The following VIT variants were observed in gnomAD, a reference collection of about 807,000 sequenced individuals.
The protein encoded by VIT is vitrin.
A neutral mutation model predicts 78.0 loss-of-function variants in VIT; 99 were observed. The observed-to-expected ratio is 1.27, with a 90% CI of 1.08 to 1.50. The LOEUF (loss-of-function observed/expected upper bound fraction) is 1.50. Ranked by LOEUF, VIT falls within the 40% of genes most tolerant of loss-of-function variation. The pLI is 0.00. For synonymous variants in VIT, 374 were observed against 334.3 expected (o/e 1.12, Z -1.29); for missense variants, 1,126 against 875.3 (o/e 1.29, Z -3.61).
intron 1 of VIT, among the ~76,000 whole-genome samples, chr2:36,709,787 G>C (rs1221474857): frequency 6.6e-6 from 1 of 152,156 alleles, no homozygotes; most frequent in Non-Finnish European, 1.5e-5. Context: ...CAAAAGAGAG[G>C]ATTACTCAGG....
At chr2:36,741,201 A>G (rs902952459) in intron 3 of VIT, among the ~76,000 whole-genome samples, 1 of 152,224 alleles carries the variant, frequency 6.6e-6, no homozygotes, top group African/African-American at 2.4e-5. Flanking sequence ...GAGAGACCAC[A>G]CTGGCATCTT....
intron 4 of VIT, among the ~76,000 whole-genome samples, chr2:36,749,895 T>C (rs535641605): frequency 8.5e-5 from 13 of 152,256 alleles, no homozygotes; most frequent in Non-Finnish European, 1.8e-4. Context: ...GTCTAGTTAG[T>C]AGACTCTCTG....
intron 5 of VIT, 48 bp from the exon 6 acceptor site, chr2:36,758,921 C>G (rs780520810): frequency 7.1e-6 from 11 of 1,540,164 alleles, no homozygotes; most frequent in South Asian, 4.5e-5. Context: ...CCATCTAAAA[C>G]CTCTAGCTCT....
intron 3 of VIT, among the ~76,000 whole-genome samples, chr2:36,733,349 C>G (rs369945980): frequency 3.9e-5 from 6 of 151,926 alleles, no homozygotes; most frequent in South Asian, 2.1e-4. Context: ...TCTCTCCCCC[C>G]CTCTCTCTCT....
intron 5 of VIT, 93 bp from the exon 6 acceptor site, chr2:36,758,876 A>G (rs1231140647): frequency 9.3e-7 from 1 of 1,079,834 alleles, no homozygotes; most frequent in Non-Finnish European, 1.4e-6. Context: ...CTGAAGAGAG[A>G]TAAATTGAAA....
intron 7 of VIT, among the ~76,000 whole-genome samples, chr2:36,767,740 T>C (rs1482945137): frequency 6.6e-6 from 1 of 152,226 alleles, no homozygotes; most frequent in Non-Finnish European, 1.5e-5. Flanking sequence ...TACCCATTGC[T>C]CAAATCATGT....
chr2:36,715,242 T>A (rs959587730), intron 1 of VIT, among the ~76,000 whole-genome samples: 2 of 152,066 alleles, frequency 1.3e-5, no homozygotes, highest in African/African-American at 4.8e-5. Flanking sequence ...GTAAACACAT[T>A]AAGATTTAAG....
In VIT at chr2:36,758,957, TC is replaced by T. The variant is rs1281004728; in HGVS notation, c.410-11del. 1.9e-6 allele frequency: 3 copies of T among 1,592,202 alleles called. No individual in the cohort carries two copies. The highest frequency in any genetic ancestry group is 1.7e-5 in the Admixed American group (1 of 58,978). ...AGAAATAAATCTCGTTTTTTTTTTCTCTTTTTTGCAGAAAGTAAACCCAAAA... is the reference window on the plus strand; with the variant it reads ...AGAAATAAATCTCGTTTTTTTTTTCTTTTTTTGCAGAAAGTAAACCCAAAA... On this transcript the variant is annotated splice_polypyrimidine_tract_variant and intron_variant, in intron 5 of 15. Coordinates refer to ENST00000379242, the MANE Select transcript of VIT (RefSeq NM_053276.4).
rs532925367 is a variant in VIT, at chr2:36,798,384, T to C, written c.1059-2917T>C. Among the ~76,000 whole-genome samples the C allele has an allele frequency of 2.0e-5, 3 of 152,254 alleles. No individual in the cohort carries two copies. The South Asian group carries it at 6.2e-4, about 32-fold the overall frequency. ...AAGCGAATGAATGTATGTAGAGGAA[T>C]GGCCAGGACCTGAGGGATGGGGGCT... On this transcript the variant is annotated intron_variant, in intron 12 of 15. Coordinates refer to ENST00000379242, the MANE Select transcript of VIT (RefSeq NM_053276.4).
At chr2:36,725,521 C>A (rs967021560) in intron 2 of VIT, among the ~76,000 whole-genome samples, 1 of 136,962 alleles carries the variant, frequency 7.3e-6, no homozygotes, top group African/African-American at 2.8e-5. Flanking sequence ...CTGTCAAGAC[C>A]TGTGACCTCC....
In VIT at chr2:36,715,501, A is replaced by T. The variant is rs182269118; in HGVS notation, c.-18-852A>T. On this transcript the variant is annotated intron_variant, in intron 1 of 15. Coordinates refer to ENST00000379242, the MANE Select transcript of VIT (RefSeq NM_053276.4). ...TAGTGAGCCGAGATCACACCACTGT[A>T]CTCCAGCCTGGGTGACAGAGTGAGA... Among the ~76,000 whole-genome samples, 20 of 151,890 alleles carry T rather than the reference A, an allele frequency of 1.3e-4. No individual in the cohort carries two copies. In the East Asian group the frequency reaches 3.9e-3, roughly 29 times the overall value.
At chr2:36,778,719 G>T (rs181194365) in intron 9 of VIT, among the ~76,000 whole-genome samples, 1 of 152,292 alleles carries the variant, frequency 6.6e-6, no homozygotes, top group East Asian at 1.9e-4. Flanking sequence ...GGGCACAGCT[G>T]CAACAGCCCA....
chr2:36,798,005 C>A (rs143149021), intron 12 of VIT, among the ~76,000 whole-genome samples: 20 of 151,846 alleles, frequency 1.3e-4, no homozygotes, highest in African/African-American at 4.8e-4. Flanking sequence ...AAGAAGTGAG[C>A]AAATGCACAA....
intron 3 of VIT, among the ~76,000 whole-genome samples, chr2:36,732,597 G>A (rs901111872): frequency 9.2e-5 from 14 of 152,052 alleles, no homozygotes; most frequent in Non-Finnish European, 7.4e-5. Context: ...GGCAAGGAAG[G>A]CACATTATTC....
chr2:36,710,656 A>T (rs143037946), intron 1 of VIT, among the ~76,000 whole-genome samples: 4 of 152,298 alleles, frequency 2.6e-5, no homozygotes, highest in African/African-American at 9.6e-5. Flanking sequence ...AATTGAAGGG[A>T]ATGTACTCTT....
chr2:36,721,673 C>T (rs1666520383), intron 2 of VIT, among the ~76,000 whole-genome samples: 6 of 152,186 alleles, frequency 3.9e-5, no homozygotes, highest in Admixed American at 3.9e-4. Context: ...GCTCTTGTCA[C>T]TCACCGTAGC....
At chr2:36,771,943 T>C (rs1669784096) in intron 7 of VIT, among the ~76,000 whole-genome samples, 1 of 152,224 alleles carries the variant, frequency 6.6e-6, no homozygotes, top group South Asian at 2.1e-4. Flanking sequence ...CAACGTGTGT[T>C]GTACATGAGA....
At chr2:36,703,796 G>A (rs1044918242) in intron 1 of VIT, among the ~76,000 whole-genome samples, 9 of 152,158 alleles carry the variant, frequency 5.9e-5, no homozygotes, top group African/African-American at 2.2e-4. Flanking sequence ...CTTGTACAGT[G>A]GGAAAATTAG....
intron 4 of VIT, among the ~76,000 whole-genome samples, chr2:36,750,951 C>T (rs992030107): frequency 2.0e-5 from 3 of 152,274 alleles, no homozygotes; most frequent in Non-Finnish European, 4.4e-5. Context: ...ACCGAGGTAT[C>T]AAAAAGCTAA....
Sources: allele counts gnomAD v4.1 joint callset (sites outside exome capture counted in the v4.1 genomes callset), GRCh38; gene constraint gnomAD v4.1.1; transcripts MANE v1.5; gene names NCBI Gene and HGNC (gene_info 2026-07-23, HGNC 2026-07-21).